The following CTNND2 variants were observed in gnomAD, a reference collection of about 807,000 sequenced individuals.
The protein encoded by CTNND2 is catenin delta 2.
In CTNND2, 22 loss-of-function variants were observed where a neutral mutation model predicts 144.4. The observed-to-expected ratio is 0.15, with a 90% confidence interval of 0.11 to 0.22. The LOEUF (loss-of-function observed/expected upper bound fraction) is 0.22, where lower values mean the gene tolerates loss of function less well. Among genes scored for constraint, CTNND2 ranks in the 10% least tolerant of loss-of-function variants. The probability of loss-of-function intolerance (pLI) is 1.00; values close to 1 mark genes in which losing one functional copy is unlikely to be tolerated. For synonymous variants in CTNND2, 751 were observed against 695.6 expected (o/e 1.08, Z -1.25); for missense variants, 1,353 against 1,618.8 (o/e 0.84, Z 2.82).
At chr5:11,845,225 A>C (rs983815874) in intron 1 of CTNND2, among the ~76,000 whole-genome samples, 2 of 152,130 alleles carry the variant, frequency 1.3e-5, no homozygotes, top group African/African-American at 2.4e-5. Flanking sequence ...TCAGGGTCTA[A>C]ACATCTTGTT....
intron 3 of CTNND2, among the ~76,000 whole-genome samples, chr5:11,515,997 T>C (rs1581388110): frequency 6.6e-6 from 1 of 151,978 alleles, no homozygotes; most frequent in Non-Finnish European, 1.5e-5. Flanking sequence ...TCATAGCTAC[T>C]GGGGAGGCTG....
intron 1 of CTNND2, among the ~76,000 whole-genome samples, chr5:11,795,177 G>A (rs762919482): frequency 6.6e-6 from 1 of 152,146 alleles, no homozygotes; most frequent in Non-Finnish European, 1.5e-5. Flanking sequence ...TGGAGGGCAA[G>A]TAAGCCTTAC....
chr5:11,759,055 C>T (rs1193984237), intron 1 of CTNND2, among the ~76,000 whole-genome samples: 1 of 151,948 alleles, frequency 6.6e-6, no homozygotes, highest in Non-Finnish European at 1.5e-5. Flanking sequence ...TAAACTTTGA[C>T]TTTATGTAAA....
chr5:11,314,155 G>A (rs190910185), intron 9 of CTNND2, among the ~76,000 whole-genome samples: 1 of 152,266 alleles, frequency 6.6e-6, no homozygotes, highest in African/African-American at 2.4e-5. Flanking sequence ...AATCTTAGGA[G>A]GTAGGGTCTG....
intron 12 of CTNND2, among the ~76,000 whole-genome samples, chr5:11,149,083 C>G (rs1209235392): frequency 1.3e-5 from 2 of 152,170 alleles, no homozygotes; most frequent in African/African-American, 4.8e-5. Context: ...CCCTTCAAGC[C>G]CCATCAGGTT....
chr5:11,618,236 T>C (rs754529523), intron 2 of CTNND2, among the ~76,000 whole-genome samples: 2 of 152,230 alleles, frequency 1.3e-5, no homozygotes, highest in Non-Finnish European at 2.9e-5. Context: ...GCTAGACGTA[T>C]TTCTGAATTC....
At chr5:11,683,677 A>C (rs1300018308) in intron 2 of CTNND2, among the ~76,000 whole-genome samples, 1 of 152,214 alleles carries the variant, frequency 6.6e-6, no homozygotes, top group Non-Finnish European at 1.5e-5. Context: ...TTGAACTTTT[A>C]AGTGAAGGCA....
intron 3 of CTNND2, among the ~76,000 whole-genome samples, chr5:11,454,262 A>C (rs1422379313): frequency 6.6e-6 from 1 of 152,108 alleles, no homozygotes; most frequent in Non-Finnish European, 1.5e-5. Context: ...TCTACTAAAA[A>C]TATAAAATTT....
intron 2 of CTNND2, among the ~76,000 whole-genome samples, chr5:11,625,706 CCTGT>C (rs1781119431): frequency 6.6e-6 from 1 of 152,026 alleles, no homozygotes; most frequent in African/African-American, 2.4e-5. Context: ...TTTCAAAACA[CCTGT>C]CTGATACAGG....
rs960621268 is a variant in CTNND2, at chr5:11,445,737, G to A, written c.288-33668C>T. On this transcript the variant is annotated intron_variant, in intron 3 of 21. Coordinates refer to ENST00000304623, the MANE Select transcript of CTNND2 (RefSeq NM_001332.4). The stretch of plus-strand genomic sequence containing the variant: ...AGAACAATCATATAGCGGGGCTGGT[G>A]AGGTGAAACTGCTGGAAGTCAGTAG... 2.6e-5 allele frequency among the ~76,000 whole-genome samples: 4 copies of A among 152,240 alleles called. 1 individual carries two copies. The South Asian group carries it at 8.3e-4, about 31-fold the overall frequency.
At chr5:11,389,106 C>T (rs1759376318) in intron 6 of CTNND2, among the ~76,000 whole-genome samples, 1 of 152,172 alleles carries the variant, frequency 6.6e-6, no homozygotes, top group Admixed American at 6.5e-5. Flanking sequence ...CTTGGTCACA[C>T]CATCTAGGCT....
rs113731387 is a variant in CTNND2, at chr5:11,877,707, C to T, written c.37+26110G>A. On this transcript the variant is annotated intron_variant, in intron 1 of 21. Coordinates refer to ENST00000304623, the MANE Select transcript of CTNND2 (RefSeq NM_001332.4). ...TCCCACCTTCAATAATGATAGTTGT[C>T]GACAGCACCATCACCATCATCATCA... Among the ~76,000 whole-genome samples the T allele has an allele frequency of 8.2e-3, 716 of 87,684 alleles. 9 individuals are homozygous for T. Among genetic ancestry groups the T allele is most frequent in the African/African-American group, 0.027 (632 of 23,454 alleles). The allele number at this position is 87,684 out of a possible 152,430, so 57.5% of individuals were successfully genotyped here.
intron 15 of CTNND2, among the ~76,000 whole-genome samples, chr5:11,092,775 G>C (rs1750899512): frequency 6.6e-6 from 1 of 152,166 alleles, no homozygotes; most frequent in Non-Finnish European, 1.5e-5. Context: ...TAAATCTAAA[G>C]CTTGGCATCA....
At chr5:11,436,124 C>G (rs905690402) in intron 3 of CTNND2, among the ~76,000 whole-genome samples, 1 of 151,812 alleles carries the variant, frequency 6.6e-6, no homozygotes, top group Non-Finnish European at 1.5e-5. Context: ...AGTGGGAGAA[C>G]CAATCCCTAC....
chr5:11,190,409 G>A (rs1414388345), intron 11 of CTNND2, among the ~76,000 whole-genome samples: 1 of 152,220 alleles, frequency 6.6e-6, no homozygotes, highest in East Asian at 1.9e-4. Context: ...GTGGCTGGCA[G>A]AGGAGAAGGG....
At chr5:11,671,305 G>C (rs1783863406) in intron 2 of CTNND2, among the ~76,000 whole-genome samples, 2 of 152,084 alleles carry the variant, frequency 1.3e-5, no homozygotes, top group Admixed American at 1.3e-4. Flanking sequence ...TGTATTTCCT[G>C]AATTTGAATG....
intron 18 of CTNND2, among the ~76,000 whole-genome samples, chr5:11,014,756 G>A (rs1741434596): frequency 6.6e-6 from 1 of 152,168 alleles, no homozygotes; most frequent in South Asian, 2.1e-4. Flanking sequence ...TCTGGCCTCT[G>A]TACCTGGGTT....
chr5:11,836,094 G>A lies in CTNND2; in HGVS notation c.37+67723C>T, dbSNP rs1794160698. 2.6e-5 allele frequency among the ~76,000 whole-genome samples: 4 copies of A among 152,136 alleles called. No individual in the cohort carries two copies. The South Asian group carries it at 8.3e-4, about 31-fold the overall frequency. On this transcript the variant is annotated intron_variant, in intron 1 of 21. Coordinates refer to ENST00000304623, the MANE Select transcript of CTNND2 (RefSeq NM_001332.4). ...TTTGAGCCATGAATAATTTAGAAGT[G>A]TGTTGTTTAGTTTCCAAATGTTGGG...
rs931343259 is a variant in CTNND2 at position 11,214,841 on chromosome 5, T to C, written c.1762-15180A>G. On this transcript the variant is annotated intron_variant, in intron 10 of 21. Coordinates refer to ENST00000304623, the MANE Select transcript of CTNND2 (RefSeq NM_001332.4). ...CATGCAGGTGTCCCCTAAACCTGAT[T>C]AGCCATCAAGAATGATGGTATGACC... is the stretch of plus-strand genomic sequence containing the variant. Among the ~76,000 whole-genome samples the C allele has an allele frequency of 6.6e-5, 10 of 152,162 alleles. No individual in the cohort carries two copies. In the East Asian group the frequency reaches 1.9e-3, roughly 29 times the overall value.
Sources: gnomAD v4.1 joint callset for allele counts (sites outside exome capture counted in the v4.1 genomes callset) on GRCh38, gnomAD v4.1.1 for gene constraint, MANE v1.5 for transcripts, NCBI Gene and HGNC (gene_info 2026-07-23, HGNC 2026-07-21) for gene names.